Variants in GRM4 observed in about 807,000 individuals in gnomAD.
GRM4 encodes the protein glutamate metabotropic receptor 4.
GRM4 carries 28 observed loss-of-function variants against 81.7 expected under a neutral mutation model. The observed-to-expected ratio is 0.34, with a 90% confidence interval of 0.25 to 0.47. GRM4 has a LOEUF of 0.47. GRM4 is among the 20% of genes least tolerant of loss of function. The pLI, the probability that GRM4 is intolerant of heterozygous loss-of-function variation, is 1.00. For synonymous variants in GRM4, 488 were observed against 528.8 expected, an observed-to-expected ratio of 0.92 and a Z score of 1.06; for missense variants, 948 against 1,290.0, an observed-to-expected ratio of 0.73 and a Z score of 4.06.
At position 34,059,152 on chromosome 6, in the gene GRM4, G is replaced by C; in HGVS notation, c.873-24C>G. Reference sequence around the variant, plus strand: ...GCCTGTAGGAACATACACCAGCCCAGCCCAGCCGCGTCTGTCCACGAAACT... The same window carrying C: ...GCCTGTAGGAACATACACCAGCCCACCCCAGCCGCGTCTGTCCACGAAACT... On this transcript the variant is annotated intron_variant, in intron 4 of 10. Transcript: ENST00000538487. This position sits in a 1 kb window ranked among gnomAD's most constrained non-coding sequence, Gnocchi z 5.7. The C allele has an allele frequency of 6.2e-7, 1 of 1,611,474 alleles. No homozygotes were observed. Among genetic ancestry groups the C allele is most frequent in the Non-Finnish European group, 8.5e-7 (1 of 1,178,920 alleles).
chr6:34,059,062 G>A lies in GRM4; in HGVS notation c.939C>T (p.Ser313=), dbSNP rs1453383700. Residue 313 remains serine, a synonymous_variant, in exon 5 of 11, where the codon AGC becomes AGT. Coordinates refer to ENST00000538487, the MANE Select transcript of GRM4 (RefSeq NM_000841.4). The surrounding 1 kb of genome is among the most constrained non-coding windows in gnomAD (Gnocchi z 5.7). The part of the protein sequence containing the change: ...TGHFFWMGSD[S]WGSKIAPVLH... ...GCACAGGTGCAATCTTGGAGCCCCA[G>A]CTGTCAGAGCCCATCCAGAAGAAAT... 3.1e-6 allele frequency: 5 copies of A among 1,613,898 alleles called. No individual in the cohort carries two copies. Among genetic ancestry groups the A allele is most frequent in the Non-Finnish European group, 4.2e-6 (5 of 1,179,884 alleles).
chr6:34,111,153 A>ACACACACACGCG lies in GRM4; in HGVS notation c.520-19055_520-19054insCGCGTGTGTGTG, dbSNP rs1491146980. 2.1e-5 allele frequency: 3 copies of ACACACACACGCG among 145,442 alleles called. No homozygotes were observed. Among genetic ancestry groups the ACACACACACGCG allele is most frequent in the African/African-American group, 8.0e-5 (3 of 37,376 alleles). The allele number at this position is 145,442 out of a possible 1,614,324, so 9.0% of individuals were successfully genotyped here. The stretch of plus-strand genomic sequence containing the variant: ...CACACACACACACACACACACACAC[A>ACACACACACGCG]CGCCAGGATCCAACCCTTCCAGGAG... On this transcript the variant is annotated intron_variant, in intron 2 of 10. Transcript: ENST00000538487. The surrounding 1 kb of genome is among the most constrained non-coding windows in gnomAD (Gnocchi z 5.1).
chr6:34,030,799 T>C (rs6905771), intron 9 of GRM4, among the ~76,000 whole-genome samples: 4,953 of 152,320 alleles, frequency 0.033, 252 homozygotes, highest in African/African-American at 0.11. Context: ...TTCTCTTCTA[T>C]ATTGTTTTTC....
intron 2 of GRM4, among the ~76,000 whole-genome samples, chr6:34,126,167 G>A (rs1330651602): frequency 6.6e-6 from 1 of 152,220 alleles, no homozygotes; most frequent in Non-Finnish European, 1.5e-5. Flanking sequence ...AAAAAAGGTA[G>A]ATTCAGGGCC....
chr6:34,087,125 C>CA (rs377361811), intron 3 of GRM4, among the ~76,000 whole-genome samples: 1,992 of 120,754 alleles, frequency 0.016, 21 homozygotes, highest in East Asian at 0.052. Context: ...ACCCAATCTC[C>CA]AAAAAAAAAA....
At chr6:34,073,456 C>G (rs1050892266) in intron 3 of GRM4, among the ~76,000 whole-genome samples, 2 of 150,744 alleles carry the variant, frequency 1.3e-5, no homozygotes, top group Admixed American at 1.3e-4. Flanking sequence ...CACACAGAAA[C>G]ACATCCACAC....
intron 2 of GRM4, among the ~76,000 whole-genome samples, chr6:34,123,583 C>A (rs1003937150): frequency 1.3e-5 from 2 of 152,200 alleles, no homozygotes; most frequent in African/African-American, 4.8e-5. Flanking sequence ...CACCAACTGC[C>A]ACATGCCGCC....
chr6:34,118,805 A>G (rs1769695141), intron 2 of GRM4, among the ~76,000 whole-genome samples: 1 of 152,210 alleles, frequency 6.6e-6, no homozygotes, highest in Non-Finnish European at 1.5e-5. Context: ...AAACAAAAGC[A>G]AAGGAAAAAC....
chr6:34,045,102 AAAC>A (rs1244258219), intron 6 of GRM4, among the ~76,000 whole-genome samples: 3 of 152,222 alleles, frequency 2.0e-5, no homozygotes, highest in African/African-American at 7.2e-5. Context: ...GCCCCACAGG[AAAC>A]AACGACAGGA....
At chr6:34,117,483 C>T (rs1769645255) in intron 2 of GRM4, among the ~76,000 whole-genome samples, 1 of 152,218 alleles carries the variant, frequency 6.6e-6, no homozygotes, top group Non-Finnish European at 1.5e-5. Context: ...TCCCTGCCAG[C>T]CTGGCTCCCT....
chr6:34,052,534 A>T (rs1765667248), intron 6 of GRM4, among the ~76,000 whole-genome samples: 2 of 152,180 alleles, frequency 1.3e-5, no homozygotes. Flanking sequence ...CAGGAGTGGC[A>T]CTTGCTCTCC....
chr6:34,034,312 G>A lies in GRM4; in HGVS notation c.2442+1356C>T, dbSNP rs115403893. Among the ~76,000 whole-genome samples the A allele has an allele frequency of 0.02, 3,011 of 152,152 alleles. 37 individuals are homozygous for A. Among genetic ancestry groups the A allele is most frequent in the Non-Finnish European group, 0.033 (2,225 of 68,002 alleles). On this transcript the variant is annotated intron_variant, in intron 9 of 10. Transcript: ENST00000538487. The surrounding 1 kb of genome is among the most constrained non-coding windows in gnomAD (Gnocchi z 4.0). ...CAAAGCATGGTGTCCTCCTTGACTC[G>A]ACTGTCTCCTCGTCTCCCACCCAAC... is the stretch of plus-strand genomic sequence containing the variant.
At chr6:34,131,249 C>T (rs1052994234) in intron 2 of GRM4, among the ~76,000 whole-genome samples, 5 of 152,198 alleles carry the variant, frequency 3.3e-5, no homozygotes, top group Admixed American at 6.5e-5. Flanking sequence ...AGCTGCCTAC[C>T]GCGAGGGCAG....
intron 2 of GRM4, among the ~76,000 whole-genome samples, chr6:34,122,921 A>G (rs1769873951): frequency 6.6e-6 from 1 of 152,182 alleles, no homozygotes; most frequent in East Asian, 1.9e-4. Flanking sequence ...AGTCAGTATG[A>G]CTGCCCACAA....
At chr6:34,123,198 T>C (rs1411865529) in intron 2 of GRM4, among the ~76,000 whole-genome samples, 3 of 152,066 alleles carry the variant, frequency 2.0e-5, no homozygotes, top group Non-Finnish European at 4.4e-5. Context: ...CTGCCTTGCA[T>C]AGAGAGCCAG....
chr6:34,123,418 G>A (rs1769893342), intron 2 of GRM4, among the ~76,000 whole-genome samples: 1 of 152,184 alleles, frequency 6.6e-6, no homozygotes, highest in Non-Finnish European at 1.5e-5. Context: ...GGCAGGAGAT[G>A]AGGACAAACA....
chr6:34,072,866 C>A (rs1034252001), intron 3 of GRM4, among the ~76,000 whole-genome samples: 1 of 99,382 alleles, frequency 1.0e-5, no homozygotes, highest in Non-Finnish European at 2.1e-5. Context: ...AATCACCACA[C>A]AGATGCACAC....
chr6:34,023,591 T>C (rs7772436), intron 10 of GRM4, among the ~76,000 whole-genome samples: 30,828 of 152,036 alleles, frequency 0.2, 7,235 homozygotes, highest in African/African-American at 0.57. Flanking sequence ...CCCCTGTCTC[T>C]CTCAGTCTTG....
In GRM4 at chr6:34,028,325, C is replaced by G. The variant is rs1479718605; in HGVS notation, c.2484G>C (p.Leu828=). ...QTTTLTVSVS[L]SASVSLGMLY... ...GCATTCCCAGGGACACCGAGGCGCTCAGACTCACCGAGACCGTCAGCGTCG... is the reference window on the plus strand; with the variant it reads ...GCATTCCCAGGGACACCGAGGCGCTGAGACTCACCGAGACCGTCAGCGTCG... The change falls in exon 10 of 11, where the codon CTG becomes CTC. Residue 828 remains leucine, a synonymous_variant. Transcript: ENST00000538487. The G allele has an allele frequency of 1.7e-5, 27 of 1,612,422 alleles. No homozygotes were observed. The highest frequency in any genetic ancestry group is 2.1e-5 in the Non-Finnish European group (25 of 1,179,924).
Sources: gnomAD v4.1 joint callset for allele counts (sites outside exome capture counted in the v4.1 genomes callset) on GRCh38, gnomAD v4.1.1 for gene constraint, Gnocchi (gnomAD v3.1) non-coding constraint, MANE v1.5 for transcripts, NCBI Gene and HGNC (gene_info 2026-07-23, HGNC 2026-07-21) for gene names.